Variants in RELN observed in about 807,000 individuals in gnomAD.
RELN encodes the protein reelin.
A neutral mutation model predicts 427.6 loss-of-function variants in RELN; 108 were observed. The observed-to-expected ratio is 0.25, with a 90% confidence interval of 0.22 to 0.30. The LOEUF is 0.30. RELN is among the 10% of genes least tolerant of loss of function. The probability of loss-of-function intolerance (pLI) is 1.00; values close to 1 mark genes in which losing one functional copy is unlikely to be tolerated. For synonymous variants in RELN, 1,524 were observed against 1,513.4 expected, an observed-to-expected ratio of 1.01 and a Z score of -0.16; for missense variants, 3,715 against 4,302.8, an observed-to-expected ratio of 0.86 and a Z score of 3.82.
chr7:103,599,015 G>A (rs1292438286), intron 24 of RELN, among the ~76,000 whole-genome samples: 1 of 152,098 alleles, frequency 6.6e-6, no homozygotes, highest in African/African-American at 2.4e-5. Flanking sequence ...CAAATTCTAG[G>A]TTAAAATGAT....
At chr7:103,862,409 T>TTCATCTATCTA (rs57691471) in intron 2 of RELN, among the ~76,000 whole-genome samples, 2,472 of 144,834 alleles carry the variant, frequency 0.017, 42 homozygotes, top group East Asian at 0.042. Flanking sequence ...TATGCTTTTG[T>TTCATCTATCTA]TCTATCTATC....
At chr7:103,731,761 C>T (rs1174455598) in intron 6 of RELN, among the ~76,000 whole-genome samples, 1 of 152,020 alleles carries the variant, frequency 6.6e-6, no homozygotes, top group Non-Finnish European at 1.5e-5. Context: ...GGACACCTTC[C>T]ACTGCTCTAT....
intron 10 of RELN, among the ~76,000 whole-genome samples, chr7:103,690,697 G>A (rs951094856): frequency 6.6e-6 from 1 of 152,148 alleles, no homozygotes; most frequent in African/African-American, 2.4e-5. Flanking sequence ...GAGTGCATGA[G>A]CTGCTTACTC....
Position 103,566,250 on chromosome 7 carries a change from G to A in RELN, c.4910C>T (p.Thr1637Ile). ...TATGTTTTCAGTGAATATCAGAGCAGTATCCATAGAGAGACAGTCAATATC... is the reference window on the plus strand; with the variant it reads ...TATGTTTTCAGTGAATATCAGAGCAATATCCATAGAGAGACAGTCAATATC... ...QVDIDCLSMD[T>I]ALIFTENIGK... The change falls in exon 33 of 65, where the codon ACT becomes ATT. Residue 1637 changes from threonine to isoleucine, a missense_variant. Coordinates refer to ENST00000428762, the MANE Select transcript of RELN (RefSeq NM_005045.4). 1.2e-6 allele frequency: 2 copies of A among 1,613,762 alleles called. No homozygotes were observed. The highest frequency in any genetic ancestry group is 3.3e-5 in the Admixed American group (2 of 60,014).
chr7:103,589,954 G>T (rs1257017656), intron 27 of RELN, 126 bp from the exon 28 acceptor site: 3 of 708,358 alleles, frequency 4.2e-6, no homozygotes, highest in Non-Finnish European at 7.7e-6. Context: ...GATAGGAATT[G>T]TGAGCTCAGT....
intron 1 of RELN, among the ~76,000 whole-genome samples, chr7:103,942,643 G>A (rs1796138334): frequency 6.6e-6 from 1 of 152,194 alleles, no homozygotes; most frequent in African/African-American, 2.4e-5. Flanking sequence ...GCTGGGTGTG[G>A]TGGCTCATGC....
chr7:103,527,956 C>T (rs1829860893), intron 46 of RELN, among the ~76,000 whole-genome samples: 1 of 152,136 alleles, frequency 6.6e-6, no homozygotes, highest in Admixed American at 6.6e-5. Context: ...AAATTAGAAT[C>T]CTCTACATTG....
intron 11 of RELN, among the ~76,000 whole-genome samples, chr7:103,677,764 T>TC (rs1264646770): frequency 3.1e-4 from 8 of 25,762 alleles, no homozygotes; most frequent in African/African-American, 1.1e-3. Flanking sequence ...AGAATCTGTC[T>TC]CAAAAAAAAA....
At chr7:103,864,638 A>G (rs1485144408) in intron 2 of RELN, among the ~76,000 whole-genome samples, 2 of 152,176 alleles carry the variant, frequency 1.3e-5, no homozygotes, top group East Asian at 3.9e-4. Context: ...TTAAATAAGC[A>G]ACCTAACTTT....
chr7:103,562,861 A>G (rs1042245812), intron 34 of RELN, among the ~76,000 whole-genome samples: 2 of 152,178 alleles, frequency 1.3e-5, no homozygotes, highest in East Asian at 1.9e-4. Flanking sequence ...GATGACATAC[A>G]TGGCTCCTCC....
At chr7:103,581,600 C>T (rs112959255) in intron 28 of RELN, among the ~76,000 whole-genome samples, 63 of 152,130 alleles carry the variant, frequency 4.1e-4, no homozygotes, top group African/African-American at 1.5e-3. Context: ...TACAATAATG[C>T]CTCCCACTTA....
chr7:103,607,822 G>T (rs1319741123), intron 22 of RELN, among the ~76,000 whole-genome samples: 1 of 152,162 alleles, frequency 6.6e-6, no homozygotes, highest in African/African-American at 2.4e-5. Flanking sequence ...CTCATTAGGT[G>T]TTGATTTGTT....
In RELN at chr7:103,519,373, A is replaced by T; in HGVS notation, c.7812T>A (p.Ile2604=). The change falls in exon 49 of 65, where the codon ATT becomes ATA. Residue 2604 remains isoleucine, a synonymous_variant. Transcript: ENST00000428762. ...VLLEYSVNGG[I]TWNLLMEIFY... ...AAATCTCCATGAGCAGGTTCCAGGT[A>T]ATGCCTCCATTGACAGAATATTCCA... 6.2e-7 allele frequency: 1 copy of T among 1,614,096 alleles called. No individual in the cohort carries two copies. Among genetic ancestry groups the T allele is most frequent in the Non-Finnish European group, 8.5e-7 (1 of 1,179,946 alleles).
At chr7:103,562,041 T>C (rs904323422) in intron 34 of RELN, 88 bp from the exon 35 acceptor site, 8 of 1,477,454 alleles carry the variant, frequency 5.4e-6, no homozygotes, top group African/African-American at 1.4e-5. Flanking sequence ...TTCCCTTTTC[T>C]CTTTAAAGTG....
rs547819914 is a variant in RELN at position 103,555,190 on chromosome 7, T to TA, written c.5798-1360dup. The stretch of plus-strand genomic sequence containing the variant: ...AACGGCAAAAGCCAGGCTGCTTTTG[T>TA]AAAGCACTGTTTGGACTGACCTTGA... On this transcript the variant is annotated intron_variant, in intron 38 of 64. Coordinates refer to ENST00000428762, the MANE Select transcript of RELN (RefSeq NM_005045.4). Among the ~76,000 whole-genome samples the TA allele has an allele frequency of 1.7e-4, 26 of 152,238 alleles. No individual in the cohort carries two copies. In the East Asian group the frequency reaches 4.8e-3, roughly 28 times the overall value.
At chr7:103,954,037 G>A (rs1235267742) in intron 1 of RELN, among the ~76,000 whole-genome samples, 1 of 152,026 alleles carries the variant, frequency 6.6e-6, no homozygotes, top group Non-Finnish European at 1.5e-5. Flanking sequence ...ATCACTTGAG[G>A]TCAAGAGTTT....
intron 3 of RELN, among the ~76,000 whole-genome samples, chr7:103,799,839 G>T (rs185915017): frequency 3.3e-5 from 5 of 152,250 alleles, no homozygotes; most frequent in Admixed American, 2.6e-4. Context: ...ATTAATAAGT[G>T]ACTTAACCTC....
chr7:103,946,486 T>C (rs942840674), intron 1 of RELN, among the ~76,000 whole-genome samples: 3 of 152,196 alleles, frequency 2.0e-5, no homozygotes, highest in African/African-American at 4.8e-5. Context: ...AGTAGTTCTA[T>C]AGTGACCATG....
intron 6 of RELN, among the ~76,000 whole-genome samples, chr7:103,737,936 C>G (rs1790535272): frequency 6.6e-6 from 1 of 151,992 alleles, no homozygotes; most frequent in African/African-American, 2.4e-5. Flanking sequence ...GGACCTGAAA[C>G]AACTTTATTT....
Sources: gnomAD v4.1 joint callset for allele counts (sites outside exome capture counted in the v4.1 genomes callset) on GRCh38, gnomAD v4.1.1 for gene constraint, MANE v1.5 for transcripts, NCBI Gene and HGNC (gene_info 2026-07-23, HGNC 2026-07-21) for gene names.